The following THBS4 variants were observed in gnomAD, a reference collection of about 807,000 sequenced individuals.
THBS4 encodes thrombospondin-4.
Under a neutral mutation model 115.7 loss-of-function variants are expected in THBS4, and 90 were observed. The observed-to-expected ratio is 0.78, with a 90% confidence interval of 0.66 to 0.93. The LOEUF (loss-of-function observed/expected upper bound fraction) is 0.93. Among genes scored for constraint, THBS4 ranks in the 40% least tolerant of loss-of-function variants. THBS4 has a pLI of 0.00. For missense variants in THBS4, 1,087 were observed against 1,232.7 expected, an observed-to-expected ratio of 0.88 and a Z score of 1.77; for synonymous variants, 460 against 479.3, an observed-to-expected ratio of 0.96 and a Z score of 0.53.
chr5:80,080,081 G>C lies in THBS4; in HGVS notation c.2684+4G>C. 1 of 1,612,826 alleles carries C rather than the reference G, an allele frequency of 6.2e-7. No individual in the cohort carries two copies. Among genetic ancestry groups the C allele is most frequent in the Non-Finnish European group, 8.5e-7 (1 of 1,179,404 alleles). On this transcript the variant is annotated splice_donor_region_variant and intron_variant, in intron 20 of 21. Transcript: ENST00000350881. ...GGCCCCAGGTGGGCTACATCAGGTA[G>C]GTAGAGGCCCCATCTCCTTACCTTG...
At chr5:80,022,966 T>G (rs1026671635) in intron 2 of THBS4, among the ~76,000 whole-genome samples, 8 of 152,184 alleles carry the variant, frequency 5.3e-5, no homozygotes, top group Non-Finnish European at 1.0e-4. Context: ...CCTTAAGATT[T>G]AGGATAGACC....
chr5:80,062,538 T>TTAAG (rs1333686736), intron 8 of THBS4, among the ~76,000 whole-genome samples: 2 of 152,252 alleles, frequency 1.3e-5, no homozygotes, highest in African/African-American at 4.8e-5. Context: ...CATGATTTTT[T>TTAAG]TAAGTTATTG....
chr5:80,051,373 A>C (rs1833251254), intron 2 of THBS4, among the ~76,000 whole-genome samples: 1 of 152,236 alleles, frequency 6.6e-6, no homozygotes. Context: ...AATTTGCAAT[A>C]AAAAAGAAAA....
chr5:80,056,983 A>G (rs1833452748), intron 3 of THBS4, among the ~76,000 whole-genome samples: 2 of 152,224 alleles, frequency 1.3e-5, no homozygotes, highest in African/African-American at 4.8e-5. Context: ...TGATCCTAGA[A>G]GTTTTGCCCT....
chr5:80,079,082 G>C lies in THBS4; in HGVS notation c.2335G>C (p.Val779Leu). Residue 779 changes from valine (V) to leucine (L), a missense_variant, in exon 19 of 22, where the codon GTT becomes CTT. By Grantham distance (32) the Val-to-Leu change is conservative. Around this residue, in one of 3 missense-constraint regions of THBS4, gnomAD observed 979 missense variants for 1,103.7 expected, o/e 0.89. Transcript: ENST00000350881. ...TACAGGGTACACAGCTTTTAATGGAGTTGACTTCGAAGGGACCTTCCATGT... is the reference window on the plus strand; with the variant it reads ...TACAGGGTACACAGCTTTTAATGGACTTGACTTCGAAGGGACCTTCCATGT... ...LAVGYTAFNG[V>L]DFEGTFHVNT... is the part of the protein sequence containing the mutation. 5 of 1,613,682 alleles carry C rather than the reference G, an allele frequency of 3.1e-6. No homozygotes were observed. The highest frequency in any genetic ancestry group is 4.2e-6 in the Non-Finnish European group (5 of 1,179,678).
At chr5:79,992,286 G>A (rs142297537) in intron 1 of THBS4, among the ~76,000 whole-genome samples, 23 of 152,280 alleles carry the variant, frequency 1.5e-4, no homozygotes, top group African/African-American at 5.3e-4. Context: ...TTTCTAGAAG[G>A]CACAGTAGTC....
intron 2 of THBS4, among the ~76,000 whole-genome samples, chr5:80,000,337 C>T (rs1203777994): frequency 1.3e-5 from 2 of 152,186 alleles, no homozygotes; most frequent in African/African-American, 4.8e-5. Context: ...TTTCAAATGT[C>T]TCAAAGTTAC....
rs572981486 is a variant in THBS4 at position 80,074,952 on chromosome 5, G to A, written c.1892+1625G>A. 1.4e-4 allele frequency among the ~76,000 whole-genome samples: 21 copies of A among 151,532 alleles called. No individual in the cohort carries two copies. In the South Asian group the frequency reaches 3.7e-3, roughly 27 times the overall value. The stretch of plus-strand genomic sequence containing the variant: ...TCATCCCTCAGTGTCCCAGGGTATT[G>A]GTCCCAGGATACCCCTCTGCCCCCA... On this transcript the variant is annotated intron_variant, in intron 15 of 21. Transcript: ENST00000350881.
intron 2 of THBS4, among the ~76,000 whole-genome samples, chr5:80,013,598 G>A (rs552101994): frequency 7.9e-5 from 12 of 152,260 alleles, no homozygotes; most frequent in African/African-American, 2.9e-4. Context: ...ATAGTGGGTA[G>A]GTGACAGCCT....
chr5:80,025,388 G>A (rs1832456301), intron 2 of THBS4, among the ~76,000 whole-genome samples: 1 of 152,148 alleles, frequency 6.6e-6, no homozygotes, highest in Non-Finnish European at 1.5e-5. Flanking sequence ...AAGTCTGCAG[G>A]CCTCTGATTT....
chr5:79,995,707 T>C lies in THBS4; in HGVS notation n.82-2625T>C, dbSNP rs189105134. 2.8e-3 allele frequency among the ~76,000 whole-genome samples: 428 copies of C among 152,282 alleles called. 3 individuals are homozygous for C. The highest frequency in any genetic ancestry group is 8.7e-3 in the African/African-American group (360 of 41,556). ...CATTGAAAATGAGAGACATGCTCTC[T>C]TTCTGACACTGGAGGAAGTTTCAAG... On this transcript the variant is annotated intron_variant and non_coding_transcript_variant, in intron 1 of 3. Coordinates refer to the THBS4 transcript ENST00000510218.
At chr5:80,029,629 T>C (rs764863412) in intron 2 of THBS4, among the ~76,000 whole-genome samples, 30 of 152,262 alleles carry the variant, frequency 2.0e-4, no homozygotes, top group South Asian at 8.3e-4. Context: ...CAGTGCCTAA[T>C]TGCTAAAGCA....
chr5:80,043,600 G>A (rs1457219237), intron 2 of THBS4, among the ~76,000 whole-genome samples: 1 of 152,164 alleles, frequency 6.6e-6, no homozygotes, highest in Non-Finnish European at 1.5e-5. Flanking sequence ...TCCAGGACTG[G>A]GAGATGAAGG....
intron 2 of THBS4, among the ~76,000 whole-genome samples, chr5:80,002,799 T>G (rs1267455108): frequency 2.7e-5 from 4 of 150,602 alleles, no homozygotes; most frequent in Non-Finnish European, 5.9e-5. Context: ...GTCTAAAATT[T>G]ACACAGAATC....
chr5:80,074,615 GCT>G (rs1207374222), intron 15 of THBS4, among the ~76,000 whole-genome samples: 4 of 149,674 alleles, frequency 2.7e-5, no homozygotes, highest in African/African-American at 7.4e-5. Flanking sequence ...TGAAGCCACA[GCT>G]CTCTCTCTCT....
chr5:80,078,803 T>G, intron 17 of THBS4, 118 bp from the exon 18 acceptor site: 1 of 814,008 alleles, frequency 1.2e-6, no homozygotes, highest in South Asian at 2.4e-5. Context: ...AATGAAATCT[T>G]TATATGGAGG....
rs372967835 is a variant in THBS4, at chr5:80,083,238, A to G, written c.*97A>G. On this transcript the variant is annotated 3_prime_UTR_variant, in exon 22 of 22. Transcript: ENST00000350881. ...GCTTTTACCAACCCAAATATATCAAAACGTTTTATGTGAATGTGGCAATAA... is the reference window on the plus strand; with the variant it reads ...GCTTTTACCAACCCAAATATATCAAGACGTTTTATGTGAATGTGGCAATAA... The G allele has an allele frequency of 3.7e-6, 4 of 1,075,972 alleles. No homozygotes were observed. Among genetic ancestry groups the G allele is most frequent in the East Asian group, 4.8e-5 (2 of 42,100 alleles). The allele number at this position is 1,075,972 out of a possible 1,614,324, so 66.7% of individuals were successfully genotyped here.
intron 2 of THBS4, among the ~76,000 whole-genome samples, chr5:80,002,312 G>C (rs948043563): frequency 2.6e-5 from 4 of 152,040 alleles, no homozygotes; most frequent in Non-Finnish European, 5.9e-5. Flanking sequence ...CATCTGCTGG[G>C]CCTAATGAAA....
intron 1 of THBS4, among the ~76,000 whole-genome samples, chr5:79,992,607 C>T (rs1204909665): frequency 1.3e-5 from 2 of 152,146 alleles, no homozygotes; most frequent in African/African-American, 4.8e-5. Context: ...ACCATTAAAA[C>T]TGTCGAAACA....
Sources: allele counts gnomAD v4.1 joint callset (sites outside exome capture counted in the v4.1 genomes callset), GRCh38; gene constraint gnomAD v4.1.1; regional missense constraint gnomAD v4.1.1; transcripts MANE v1.5; gene names NCBI Gene and HGNC (gene_info 2026-07-23, HGNC 2026-07-21).